CPQ: variants seen among roughly 807,000 people sequenced by gnomAD.
The protein encoded by CPQ is Ser-Met dipeptidase.
Under a neutral mutation model 45.7 loss-of-function variants are expected in CPQ, and 37 were observed. The ratio of observed to expected loss-of-function variants is 0.81; its 90% CI spans 0.62 to 1.07. CPQ has a LOEUF of 1.07. Among genes scored for constraint, CPQ ranks in the 50% least tolerant of loss-of-function variants. The pLI, the probability that CPQ is intolerant of heterozygous loss-of-function variation, is 0.00. For missense variants in CPQ, 537 were observed against 572.9 expected (o/e 0.94, Z 0.64); for synonymous variants, 186 against 205.8 (o/e 0.90, Z 0.82).
intron 3 of CPQ, among the ~76,000 whole-genome samples, chr8:96,867,329 C>CGA (rs1408827772): frequency 6.6e-6 from 1 of 152,054 alleles, no homozygotes; most frequent in Non-Finnish European, 1.5e-5. Context: ...CTTTGAAGAT[C>CGA]TGTCTGCTTA....
chr8:97,099,928 T>A, intron 7 of CPQ, among the ~76,000 whole-genome samples: 1 of 152,238 alleles, frequency 6.6e-6, no homozygotes. Flanking sequence ...CTATCTCAAG[T>A]GTGTTTACTT....
chr8:96,869,232 T>A (rs1812033846), intron 3 of CPQ, among the ~76,000 whole-genome samples: 1 of 152,062 alleles, frequency 6.6e-6, no homozygotes, highest in South Asian at 2.1e-4. Context: ...CACCAAATTT[T>A]GCCTTCATTT....
rs529100774 is a variant in CPQ at position 97,065,024 on chromosome 8, G to A, written c.1054-985G>A. ...AAGAACACCAAAGGAGATTGCAAAT[G>A]TGAAAGCTCTCTGGACGCAATGTAC... On this transcript the variant is annotated intron_variant, in intron 6 of 7. Transcript: ENST00000220763. 5.3e-5 allele frequency among the ~76,000 whole-genome samples: 8 copies of A among 152,328 alleles called. No individual in the cohort carries two copies. The East Asian group carries it at 1.2e-3, about 22-fold the overall frequency.
At chr8:97,077,653 A>T (rs1343191821) in intron 7 of CPQ, among the ~76,000 whole-genome samples, 1 of 152,224 alleles carries the variant, frequency 6.6e-6, no homozygotes, top group Non-Finnish European at 1.5e-5. Flanking sequence ...ACATATATTT[A>T]TGCATTCATA....
At position 97,143,348 on chromosome 8, in the gene CPQ, A is replaced by T. The variant is rs1164127374; in HGVS notation, c.*165A>T. 1.5e-6 allele frequency: 1 copy of T among 664,550 alleles called. No individual in the cohort carries two copies. The highest frequency in any genetic ancestry group is 1.8e-5 in the African/African-American group (1 of 54,640). The allele number at this position is 664,550 out of a possible 1,614,324, so 41.2% of individuals were successfully genotyped here. A position where few individuals can be genotyped will look rare whatever the true frequency, so the allele number is the denominator to read the frequency against. ...TTCTTGATACTTTCCAAATTCTCTG[A>T]TTCTAGAAAAAGGAATCATTCTCCC... On this transcript the variant is annotated 3_prime_UTR_variant, in exon 8 of 8. Transcript: ENST00000220763.
At chr8:97,075,685 C>T (rs1446140715) in intron 7 of CPQ, among the ~76,000 whole-genome samples, 1 of 152,138 alleles carries the variant, frequency 6.6e-6, no homozygotes, top group African/African-American at 2.4e-5. Context: ...AGATTTTTCT[C>T]TCTCTGCTTT....
At chr8:96,739,008 T>C (rs1268950419) in intron 1 of CPQ, among the ~76,000 whole-genome samples, 4 of 151,602 alleles carry the variant, frequency 2.6e-5, no homozygotes, top group East Asian at 1.9e-4. Flanking sequence ...ATGGTATTTC[T>C]AGTTCTAGAT....
At chr8:97,039,625 C>T (rs1810076821) in intron 6 of CPQ, among the ~76,000 whole-genome samples, 2 of 151,600 alleles carry the variant, frequency 1.3e-5, no homozygotes, top group African/African-American at 2.4e-5. Flanking sequence ...TAATGCTATC[C>T]CTCCCCACTC....
At chr8:96,720,179 C>A (rs974018753) in intron 1 of CPQ, among the ~76,000 whole-genome samples, 3 of 152,128 alleles carry the variant, frequency 2.0e-5, no homozygotes, top group Admixed American at 1.3e-4. Context: ...CATATTTTCT[C>A]TTAATTCCTT....
At chr8:96,676,988 CT>C (rs1273964353) in intron 1 of CPQ, among the ~76,000 whole-genome samples, 1 of 151,970 alleles carries the variant, frequency 6.6e-6, no homozygotes, top group African/African-American at 2.4e-5. Flanking sequence ...ATCTAACTTG[CT>C]GCAAAGACCT....
chr8:97,026,858 C>T (rs1809807181), intron 5 of CPQ, among the ~76,000 whole-genome samples: 2 of 152,220 alleles, frequency 1.3e-5, no homozygotes, highest in Non-Finnish European at 2.9e-5. Flanking sequence ...AGGATAATAA[C>T]TTTCACTTGG....
intron 1 of CPQ, among the ~76,000 whole-genome samples, chr8:96,777,764 T>A (rs866710367): frequency 6.3e-3 from 138 of 21,828 alleles, no homozygotes; most frequent in South Asian, 9.3e-3. Flanking sequence ...ATATATATTT[T>A]TTTTTTTTTT....
At chr8:96,722,621 G>A (rs1809780089) in intron 1 of CPQ, among the ~76,000 whole-genome samples, 1 of 152,176 alleles carries the variant, frequency 6.6e-6, no homozygotes, top group Admixed American at 6.5e-5. Flanking sequence ...GTATGCTAGA[G>A]TATATGTTGT....
intron 2 of CPQ, among the ~76,000 whole-genome samples, chr8:96,788,803 C>A (rs1810810004): frequency 6.6e-6 from 1 of 151,746 alleles, no homozygotes. Context: ...CTCTTATGCT[C>A]TGCTCATTTT....
intron 4 of CPQ, among the ~76,000 whole-genome samples, chr8:96,890,327 G>A (rs921944037): frequency 6.6e-6 from 1 of 152,212 alleles, no homozygotes; most frequent in African/African-American, 2.4e-5. Context: ...CTGGTCACGT[G>A]GTTGTAGCTG....
At chr8:96,719,426 G>T (rs765806928) in intron 1 of CPQ, among the ~76,000 whole-genome samples, 1 of 152,200 alleles carries the variant, frequency 6.6e-6, no homozygotes, top group Non-Finnish European at 1.5e-5. Context: ...CAGCTGTTCC[G>T]CAAGCACCGC....
intron 3 of CPQ, among the ~76,000 whole-genome samples, chr8:96,865,861 G>A (rs987175034): frequency 2.6e-5 from 4 of 151,904 alleles, no homozygotes; most frequent in South Asian, 4.2e-4. Context: ...TATTTATTAA[G>A]TGCCTATGTA....
intron 7 of CPQ, among the ~76,000 whole-genome samples, chr8:97,077,995 T>C (rs1361899409): frequency 6.6e-6 from 1 of 152,214 alleles, no homozygotes; most frequent in African/African-American, 2.4e-5. Context: ...ATTTACCTAT[T>C]TTTAAACCAT....
intron 7 of CPQ, among the ~76,000 whole-genome samples, chr8:97,103,490 A>C (rs1042232019): frequency 2.0e-5 from 3 of 152,222 alleles, no homozygotes; most frequent in African/African-American, 7.2e-5. Flanking sequence ...GCTCAGAAAG[A>C]AAGATGAAAT....
Sources: allele counts gnomAD v4.1 joint callset (sites outside exome capture counted in the v4.1 genomes callset), GRCh38; gene constraint gnomAD v4.1.1; transcripts MANE v1.5; gene names NCBI Gene and HGNC (gene_info 2026-07-23, HGNC 2026-07-21).